The following CSF2RA variants were observed in gnomAD, a reference collection of about 807,000 sequenced individuals.
CSF2RA encodes colony stimulating factor 2 receptor subunit alpha.
In CSF2RA, 42 loss-of-function variants were observed where a neutral mutation model predicts 51.6. That is an observed-to-expected ratio of 0.81 (90% CI 0.64 to 1.05). The LOEUF (loss-of-function observed/expected upper bound fraction) is 1.05, where lower values mean the gene tolerates loss of function less well. Among genes scored for constraint, CSF2RA ranks in the 50% least tolerant of loss-of-function variants. CSF2RA has a pLI of 0.00. For synonymous variants in CSF2RA, 222 were observed against 193.0 expected, an observed-to-expected ratio of 1.15 and a Z score of -1.24; for missense variants, 530 against 501.1, an observed-to-expected ratio of 1.06 and a Z score of -0.55.
At chrX:1,323,992 C>G in the CSF2RA span, among the ~76,000 whole-genome samples, 13 of 148,506 alleles carry the variant, frequency 8.8e-5, no homozygotes, top group South Asian at 2.8e-3. Context: ...CCAGCCTGGA[C>G]AATGGTGTGA....
chrX:1,309,636 C>G lies in CSF2RA; in HGVS notation c.*157C>G, dbSNP rs2084044337. On this transcript the variant is annotated 3_prime_UTR_variant, in exon 13 of 13. Transcript: ENST00000381529. ...GCGCGGTGGCTCACGCCTGTAATCC[C>G]AGCACTTTGGGAGGCCAAGGCAGGC... 1.3e-6 allele frequency: 2 copies of G among 1,581,584 alleles called. No individual in the cohort carries two copies. Among genetic ancestry groups the G allele is most frequent in the Non-Finnish European group, 1.7e-6 (2 of 1,151,438 alleles).
downstream of CSF2RA, among the ~76,000 whole-genome samples, chrX:1,314,266 T>G (rs867954157): frequency 4.4e-5 from 1 of 22,822 alleles, no homozygotes; most frequent in African/African-American, 1.7e-4. Context: ...CCAACCCCAC[T>G]GCGCCTGCCC....
At chrX:1,316,186 T>A in the CSF2RA span, among the ~76,000 whole-genome samples, 1 of 151,540 alleles carries the variant, frequency 6.6e-6, no homozygotes, top group Non-Finnish European at 1.5e-5. Flanking sequence ...GATGGATAGA[T>A]AGACACATAG....
intron 2 of CSF2RA, among the ~76,000 whole-genome samples, chrX:1,277,898 A>G (rs1442278942): frequency 6.8e-6 from 1 of 147,174 alleles, no homozygotes; most frequent in Non-Finnish European, 1.5e-5. Context: ...AATTGCTTCA[A>G]CTTGGGAGAC....
At chrX:1,317,390 G>T in the CSF2RA span, among the ~76,000 whole-genome samples, 23 of 147,026 alleles carry the variant, frequency 1.6e-4, no homozygotes, top group African/African-American at 5.5e-4. Context: ...TAGCTGGGAT[G>T]ACAGGCATGC....
chrX:1,314,363 C>A (rs1472841612), downstream of CSF2RA, among the ~76,000 whole-genome samples: 1 of 146,102 alleles, frequency 6.8e-6, no homozygotes, highest in African/African-American at 2.6e-5. Context: ...AACCCCACTG[C>A]ATCTGCCCAA....
At chrX:1,312,354 T>C (rs1292180053), downstream of CSF2RA, among the ~76,000 whole-genome samples, 6 of 152,206 alleles carry the variant, frequency 3.9e-5, no homozygotes, top group African/African-American at 1.4e-4. Flanking sequence ...TTCTGTAATG[T>C]GTCCACAGCA....
chrX:1,318,865 C>T, the CSF2RA span, among the ~76,000 whole-genome samples: 19 of 146,116 alleles, frequency 1.3e-4, no homozygotes, highest in Non-Finnish European at 2.7e-4. Flanking sequence ...TGCAGTGAGC[C>T]GAGATCGTGC....
chrX:1,290,389 G>A lies in CSF2RA; in HGVS notation c.526G>A (p.Val176Met), dbSNP rs1436800938. ...PYYIQDSGTH[V>M]GCHLDNLSGL... ...TTACATACAAGACTCAGGAACCCAT[G>A]TGGGATGTCACCTGGATAACCTGTC... is the stretch of plus-strand genomic sequence containing the variant. Residue 176 changes from valine to methionine, a missense_variant, in exon 7 of 13, where the codon GTG becomes ATG. By Grantham distance (21) the Val-to-Met change is conservative. Transcript: ENST00000381529. 1.2e-6 allele frequency: 2 copies of A among 1,613,656 alleles called. No individual in the cohort carries two copies. Among genetic ancestry groups the A allele is most frequent in the Non-Finnish European group, 1.7e-6 (2 of 1,179,726 alleles).
chrX:1,316,421 G>A, the CSF2RA span, among the ~76,000 whole-genome samples: 1 of 152,130 alleles, frequency 6.6e-6, no homozygotes, highest in Non-Finnish European at 1.5e-5. Flanking sequence ...CACATTGTTA[G>A]ACGGTGAACC....
At chrX:1,314,851 CCACTGCACCTGCCCAACCG>C (rs1169899050), downstream of CSF2RA, among the ~76,000 whole-genome samples, 241 of 84,348 alleles carry the variant, frequency 2.9e-3, 11 homozygotes, top group African/African-American at 5.1e-3. Context: ...CTGCCCAATC[CCACTGCACCTGCCCAACCG>C]CACTGCACCT....
At chrX:1,280,443 C>G (rs1452186096) in intron 2 of CSF2RA, among the ~76,000 whole-genome samples, 1 of 147,972 alleles carries the variant, frequency 6.8e-6, no homozygotes, top group Non-Finnish European at 1.5e-5. Flanking sequence ...TGCACTCCAG[C>G]CTGGGTGACA....
chrX:1,293,253 C>T (rs1258111032), intron 7 of CSF2RA, among the ~76,000 whole-genome samples: 3 of 152,128 alleles, frequency 2.0e-5, no homozygotes, highest in African/African-American at 4.8e-5. Context: ...CTCACTCTGT[C>T]GCCCACCCAG....
chrX:1,311,445 T>G (rs1179406678), downstream of CSF2RA, among the ~76,000 whole-genome samples: 3 of 151,646 alleles, frequency 2.0e-5, no homozygotes, highest in Non-Finnish European at 4.4e-5. Context: ...CTGTTTGTTT[T>G]TTTTTTTAAG....
chrX:1,280,821 C>T (rs1331369783), intron 2 of CSF2RA, among the ~76,000 whole-genome samples: 5 of 146,306 alleles, frequency 3.4e-5, no homozygotes, highest in Non-Finnish European at 7.5e-5. Flanking sequence ...AGAATCATAC[C>T]GAGTAGCTTC....
At chrX:1,314,365 TCTGCCCAACCACTCTGTGC>T (rs1200982286), downstream of CSF2RA, among the ~76,000 whole-genome samples, 14 of 94,548 alleles carry the variant, frequency 1.5e-4, 2 homozygotes, top group African/African-American at 7.1e-4. Context: ...CCCCACTGCA[TCTGCCCAACCACTCTGTGC>T]CTGCCCAACC....
chrX:1,316,769 G>A, the CSF2RA span, among the ~76,000 whole-genome samples: 11 of 152,306 alleles, frequency 7.2e-5, no homozygotes, highest in East Asian at 1.7e-3. Flanking sequence ...GAGTCATGCC[G>A]TGGGGAGCAA....
chrX:1,281,697 A>G (rs1436129871), intron 2 of CSF2RA, among the ~76,000 whole-genome samples: 1 of 151,902 alleles, frequency 6.6e-6, no homozygotes, highest in Non-Finnish European at 1.5e-5. Context: ...TACTGTTTCC[A>G]TGATTTTGTC....
intron 10 of CSF2RA, among the ~76,000 whole-genome samples, chrX:1,301,772 ATT>A (rs1158963938): frequency 3.1e-5 from 4 of 128,614 alleles, no homozygotes; most frequent in Non-Finnish European, 6.7e-5. Flanking sequence ...AATTTTTTGT[ATT>A]TTTTTTTTTT....
Sources: gnomAD v4.1 joint callset for allele counts (sites outside exome capture counted in the v4.1 genomes callset) on GRCh38, gnomAD v4.1.1 for gene constraint, MANE v1.5 for transcripts, NCBI Gene and HGNC (gene_info 2026-07-23, HGNC 2026-07-21) for gene names.